ERO1B: variants seen among roughly 807,000 people sequenced by gnomAD.
ERO1B encodes the protein endoplasmic reticulum oxidoreductase 1 beta.
A neutral mutation model predicts 75.3 loss-of-function variants in ERO1B; 49 were observed. The observed-to-expected ratio is 0.65, with a 90% CI of 0.52 to 0.83. The LOEUF is 0.83. ERO1B is among the 40% of genes least tolerant of loss of function. The probability of loss-of-function intolerance (pLI) is 0.00; values close to 1 mark genes in which losing one functional copy is unlikely to be tolerated. For synonymous variants in ERO1B, 191 were observed against 192.9 expected (o/e 0.99, Z 0.08); for missense variants, 512 against 560.1 (o/e 0.91, Z 0.87).
chr1:236,252,094 T>TA lies in ERO1B; in HGVS notation c.307-4dup, dbSNP rs766027509. 2.6e-5 allele frequency: 41 copies of TA among 1,595,446 alleles called. No homozygotes were observed. The highest frequency in any genetic ancestry group is 3.4e-5 in the South Asian group (3 of 88,826). On this transcript the variant is annotated splice_region_variant and splice_polypyrimidine_tract_variant and intron_variant, in intron 3 of 15. Coordinates refer to ENST00000354619, the MANE Select transcript of ERO1B (RefSeq NM_019891.4). ...TTTATTCCAACCGGAATTTTACTCT[T>TA]AAAAAAACAAGAAAAGCAAAAAAAT...
chr1:236,232,896 C>T, intron 8 of ERO1B, 57 bp from the exon 9 acceptor site: 1 of 1,418,696 alleles, frequency 7.0e-7, no homozygotes, highest in South Asian at 1.4e-5. Context: ...GCTCAGATCC[C>T]AATACTATTT....
At chr1:236,280,366 G>C (rs1173895214) in intron 1 of ERO1B, among the ~76,000 whole-genome samples, 2 of 152,196 alleles carry the variant, frequency 1.3e-5, no homozygotes, top group African/African-American at 4.8e-5. Flanking sequence ...ACTTTAGTAA[G>C]TCTGCCCAGA....
At chr1:236,270,435 T>G (rs1665564443) in intron 1 of ERO1B, among the ~76,000 whole-genome samples, 1 of 152,202 alleles carries the variant, frequency 6.6e-6, no homozygotes, top group South Asian at 2.1e-4. Flanking sequence ...TCTCATTTCC[T>G]CTTTAAAAGT....
At chr1:236,244,119 G>C (rs1664778609) in intron 5 of ERO1B, among the ~76,000 whole-genome samples, 1 of 152,100 alleles carries the variant, frequency 6.6e-6, no homozygotes, top group African/African-American at 2.4e-5. Context: ...ACATTAACTT[G>C]AACCTATATT....
chr1:236,243,590 G>T (rs1304595724), intron 5 of ERO1B, 95 bp from the exon 6 acceptor site: 4 of 759,274 alleles, frequency 5.3e-6, no homozygotes, highest in South Asian at 2.3e-5. Flanking sequence ...ATAATCTGAG[G>T]TCAGTTAAAG....
intron 13 of ERO1B, among the ~76,000 whole-genome samples, chr1:236,222,533 A>G (rs1664177509): frequency 6.8e-6 from 1 of 146,390 alleles, no homozygotes; most frequent in African/African-American, 2.5e-5. Flanking sequence ...TTCACTTTCC[A>G]CTGAGGAGCT....
At position 236,243,608 on chromosome 1, in the gene ERO1B, GA is replaced by G. The variant is rs202045240; in HGVS notation, c.432-114del. ...ATCTGAGGTCAGTTAAAGATTAGAT[GA>G]TGTCACAATTCTGCTATTAGTGATT... On this transcript the variant is annotated intron_variant, in intron 5 of 15. Transcript: ENST00000354619. 901 of 622,946 alleles carry G rather than the reference GA, an allele frequency of 1.4e-3. 6 individuals are homozygous for G. The African/African-American group carries it at 0.016, about 11-fold the overall frequency. 38.6% of individuals were successfully genotyped at this position (622,946 alleles called of 1,614,324 possible).
chr1:236,271,866 G>A (rs1414322090), intron 1 of ERO1B, among the ~76,000 whole-genome samples: 1 of 151,872 alleles, frequency 6.6e-6, no homozygotes, highest in Non-Finnish European at 1.5e-5. Context: ...TTCTTAAATT[G>A]TTGACTTTTA....
At chr1:236,278,527 G>A (rs1329271325) in intron 1 of ERO1B, among the ~76,000 whole-genome samples, 1 of 151,970 alleles carries the variant, frequency 6.6e-6, no homozygotes, top group African/African-American at 2.4e-5. Context: ...AGATCTTTAG[G>A]GTTTAGGAGA....
chr1:236,238,412 C>T (rs1332614300), intron 6 of ERO1B, among the ~76,000 whole-genome samples: 1 of 151,726 alleles, frequency 6.6e-6, no homozygotes, highest in Non-Finnish European at 1.5e-5. Flanking sequence ...GTGGCACATG[C>T]CTCTAGTCCC....
intron 2 of ERO1B, among the ~76,000 whole-genome samples, chr1:236,254,719 TCTC>T (rs1665118716): frequency 6.6e-6 from 1 of 151,118 alleles, no homozygotes. Flanking sequence ...TTCAAGTGAT[TCTC>T]CTGCCTCAGC....
intron 4 of ERO1B, among the ~76,000 whole-genome samples, chr1:236,250,254 G>C (rs900105992): frequency 6.6e-6 from 1 of 152,052 alleles, no homozygotes; most frequent in Non-Finnish European, 1.5e-5. Flanking sequence ...CGGATCACTT[G>C]AGGTCAGGAG....
intron 1 of ERO1B, among the ~76,000 whole-genome samples, chr1:236,274,211 T>C (rs925787014): frequency 6.6e-6 from 1 of 152,162 alleles, no homozygotes; most frequent in Non-Finnish European, 1.5e-5. Context: ...CTCAAACTCC[T>C]GGCCTCCAGT....
chr1:236,220,027 T>TAAAAAA (rs1558503946), intron 15 of ERO1B: 1 of 132,988 alleles, frequency 7.5e-6, no homozygotes, highest in African/African-American at 3.1e-5. Context: ...CTCATCTCTT[T>TAAAAAA]TAAAAAAAAA....
intron 8 of ERO1B, 143 bp downstream of exon 8, chr1:236,235,646 G>A: frequency 4.5e-6 from 3 of 672,026 alleles, no homozygotes; most frequent in Non-Finnish European, 7.4e-6. Flanking sequence ...CTCGAGACTC[G>A]ACTATGAACT....
chr1:236,271,677 T>A (rs1553374831), intron 1 of ERO1B, among the ~76,000 whole-genome samples: 1 of 151,562 alleles, frequency 6.6e-6, no homozygotes, highest in Non-Finnish European at 1.5e-5. Flanking sequence ...ATATAATATA[T>A]AATTAAATAA....
At chr1:236,250,873 T>A (rs560573709) in intron 4 of ERO1B, among the ~76,000 whole-genome samples, 15 of 152,108 alleles carry the variant, frequency 9.9e-5, no homozygotes, top group Admixed American at 8.5e-4. Flanking sequence ...GTATTATTTC[T>A]AATGTTGAGA....
chr1:236,272,550 C>A (rs754791306), intron 1 of ERO1B, among the ~76,000 whole-genome samples: 2 of 151,892 alleles, frequency 1.3e-5, no homozygotes, highest in African/African-American at 2.4e-5. Context: ...CACTGGGGAC[C>A]CCAAAAGGTG....
At chr1:236,222,305 GT>G (rs1664169150) in intron 13 of ERO1B, among the ~76,000 whole-genome samples, 1 of 152,128 alleles carries the variant, frequency 6.6e-6, no homozygotes, top group Non-Finnish European at 1.5e-5. Flanking sequence ...TAGAGACGGG[GT>G]TTCGCCATGT....
Sources: allele counts gnomAD v4.1 joint callset (sites outside exome capture counted in the v4.1 genomes callset), GRCh38; gene constraint gnomAD v4.1.1; transcripts MANE v1.5; gene names NCBI Gene and HGNC (gene_info 2026-07-23, HGNC 2026-07-21).